The following KLF13 variants were observed in gnomAD, a reference collection of about 807,000 sequenced individuals.
KLF13 encodes Krueppel-like factor 13.
In KLF13, 8 loss-of-function variants were observed where a neutral mutation model predicts 16.7. The observed-to-expected ratio is 0.48, with a 90% CI of 0.28 to 0.87. The LOEUF (loss-of-function observed/expected upper bound fraction) is 0.87, where lower values mean the gene tolerates loss of function less well. Among genes scored for constraint, KLF13 ranks in the 40% least tolerant of loss-of-function variants. The pLI is 0.10. For missense variants in KLF13, 447 were observed against 452.2 expected (o/e 0.99, Z 0.10); for synonymous variants, 245 against 208.4 (o/e 1.18, Z -1.51).
intron 1 of KLF13, among the ~76,000 whole-genome samples, chr15:31,346,052 T>C (rs2039110826): frequency 6.6e-6 from 1 of 151,952 alleles, no homozygotes; most frequent in Non-Finnish European, 1.5e-5. Context: ...TGAGCCCCTC[T>C]GTACAGATGC....
chr15:31,423,095 A>ATATG (rs2040349510), intron 1 of KLF13, among the ~76,000 whole-genome samples: 1 of 139,430 alleles, frequency 7.2e-6, no homozygotes, highest in Admixed American at 7.2e-5. Flanking sequence ...ATATACGTAT[A>ATATG]TATACGTATA....
chr15:31,393,423 T>TC (rs11298636), intron 1 of KLF13, among the ~76,000 whole-genome samples: 199 of 114,384 alleles, frequency 1.7e-3, no homozygotes, highest in African/African-American at 6.1e-3. Context: ...CCCCGGCCCG[T>TC]CCCCCCCCCG....
At chr15:31,357,043 C>A (rs1163346031) in intron 1 of KLF13, among the ~76,000 whole-genome samples, 3 of 152,168 alleles carry the variant, frequency 2.0e-5, no homozygotes, top group African/African-American at 7.2e-5. Flanking sequence ...CTTACCCATC[C>A]ATTTGTATTT....
intron 1 of KLF13, among the ~76,000 whole-genome samples, chr15:31,333,595 G>T (rs915782155): frequency 1.3e-5 from 2 of 151,724 alleles, no homozygotes; most frequent in African/African-American, 2.4e-5. Flanking sequence ...TTAATTTTTT[G>T]TCTATATTTT....
intron 1 of KLF13, among the ~76,000 whole-genome samples, chr15:31,333,095 A>G (rs1373015187): frequency 1.3e-5 from 2 of 152,128 alleles, no homozygotes; most frequent in Non-Finnish European, 2.9e-5. Context: ...CAATCCTAAG[A>G]CTTCCAGACT....
chr15:31,413,073 C>T (rs941139666), intron 1 of KLF13, among the ~76,000 whole-genome samples: 2 of 151,266 alleles, frequency 1.3e-5, no homozygotes, highest in Non-Finnish European at 2.9e-5. Context: ...AAAGAACAAT[C>T]ATTGAGCAAT....
At chr15:31,378,723 C>G (rs544084603), downstream of KLF13, among the ~76,000 whole-genome samples, 1 of 152,080 alleles carries the variant, frequency 6.6e-6, no homozygotes, top group Non-Finnish European at 1.5e-5. Flanking sequence ...TTTTTTGAGA[C>G]ACAGTCTCGC....
At chr15:31,331,675 C>T (rs1232295298) in intron 1 of KLF13, among the ~76,000 whole-genome samples, 1 of 152,228 alleles carries the variant, frequency 6.6e-6, no homozygotes, top group African/African-American at 2.4e-5. Flanking sequence ...CCACCCCTCC[C>T]TCTCGTACCC....
downstream of KLF13, among the ~76,000 whole-genome samples, chr15:31,378,876 C>A (rs1042696804): frequency 2.0e-5 from 3 of 152,110 alleles, no homozygotes; most frequent in African/African-American, 7.2e-5. Flanking sequence ...TCTGCCACCA[C>A]GCCCAGGTAA....
At chr15:31,432,773 AT>A (rs780971884) in intron 1 of KLF13, among the ~76,000 whole-genome samples, 4 of 152,030 alleles carry the variant, frequency 2.6e-5, no homozygotes, top group Non-Finnish European at 4.4e-5. Context: ...TTGAAGCTGG[AT>A]ATTGTGAATT....
rs542321350 is a variant in KLF13, at chr15:31,356,520, C to T, written c.578-15490C>T. 2.0e-5 allele frequency among the ~76,000 whole-genome samples: 3 copies of T among 152,354 alleles called. No homozygotes were observed. In the East Asian group the frequency reaches 5.8e-4, roughly 29 times the overall value. Reference sequence around the variant, plus strand: ...TGAGCCAAGATCGCGCCACTGCACTCCAGCCTGGGCGACAGAGCGAGACTC... The same window carrying T: ...TGAGCCAAGATCGCGCCACTGCACTTCAGCCTGGGCGACAGAGCGAGACTC... On this transcript the variant is annotated intron_variant, in intron 1 of 1. Coordinates refer to ENST00000307145, the MANE Select transcript of KLF13 (RefSeq NM_015995.4).
At chr15:31,380,696 G>A (rs368944273), downstream of KLF13, among the ~76,000 whole-genome samples, 3 of 152,290 alleles carry the variant, frequency 2.0e-5, no homozygotes, top group East Asian at 3.9e-4. Flanking sequence ...TCCTGCCATT[G>A]GCACCACTCC....
At chr15:31,365,824 G>A (rs1367362556) in intron 1 of KLF13, among the ~76,000 whole-genome samples, 1 of 152,186 alleles carries the variant, frequency 6.6e-6, no homozygotes, top group South Asian at 2.1e-4. Flanking sequence ...GAGAGGGGAG[G>A]GCCTGGGACT....
intron 1 of KLF13, among the ~76,000 whole-genome samples, chr15:31,414,461 A>G (rs1283659770): frequency 2.0e-5 from 3 of 152,220 alleles, no homozygotes; most frequent in Non-Finnish European, 2.9e-5. Context: ...TCTACTTACT[A>G]TATGTTGTCT....
chr15:31,424,368 A>C (rs1036427673), intron 1 of KLF13, among the ~76,000 whole-genome samples: 8 of 152,200 alleles, frequency 5.3e-5, no homozygotes, highest in African/African-American at 1.9e-4. Flanking sequence ...AGGTTTATAC[A>C]CCATGACCAA....
chr15:31,328,849 GTTC>G lies in KLF13; in HGVS notation c.577+1065_577+1067del, dbSNP rs548447901. On this transcript the variant is annotated intron_variant, in intron 1 of 1. Transcript: ENST00000307145. ...GTATGCTTCCTCTGAGCTCACGTGAGTTCTTCTGTGACACTCACCTCTTCTACC... is the reference window on the plus strand; with the variant it reads ...GTATGCTTCCTCTGAGCTCACGTGAGTTCTGTGACACTCACCTCTTCTACC... Among the ~76,000 whole-genome samples the G allele has an allele frequency of 3.6e-3, 553 of 152,328 alleles. 11 individuals are homozygous for G. Among genetic ancestry groups the G allele is most frequent in the African/African-American group, 0.012 (518 of 41,568 alleles).
At chr15:31,385,536 T>A (rs956919727) in intron 1 of KLF13, among the ~76,000 whole-genome samples, 2 of 152,236 alleles carry the variant, frequency 1.3e-5, no homozygotes, top group African/African-American at 4.8e-5. Flanking sequence ...ATTTTGGTAT[T>A]TCTCAAAATA....
rs1223633446 is a variant in KLF13 at position 31,327,079 on chromosome 15, C to T, written c.-134C>T. ...GTGACGGCACAGGCGGCTGCGCGCCCAGCCCAGCCCAGCCCAGCCCGAGGA... is the reference window on the plus strand; with the variant it reads ...GTGACGGCACAGGCGGCTGCGCGCCTAGCCCAGCCCAGCCCAGCCCGAGGA... On this transcript the variant is annotated 5_prime_UTR_variant, in exon 1 of 2. Coordinates refer to ENST00000307145, the MANE Select transcript of KLF13 (RefSeq NM_015995.4). The T allele has an allele frequency of 4.1e-6, 3 of 726,940 alleles. No homozygotes were observed. The highest frequency in any genetic ancestry group is 1.1e-4 in the East Asian group (2 of 17,406). 45.0% of individuals were successfully genotyped at this position (726,940 alleles called of 1,614,324 possible).
Position 31,376,661 on chromosome 15 carries a change from T to G in KLF13, c.*4362T>G, listed in dbSNP as rs947438900. On this transcript the variant is annotated 3_prime_UTR_variant, in exon 2 of 2. Transcript: ENST00000307145. ...CAGAACTTGGATGCATAGTCCACCTTACTACTGATACACGCCTGAGCACCC... is the reference window on the plus strand; with the variant it reads ...CAGAACTTGGATGCATAGTCCACCTGACTACTGATACACGCCTGAGCACCC... 1 of 152,620 alleles carries G rather than the reference T, an allele frequency of 6.6e-6. No individual in the cohort carries two copies. Among genetic ancestry groups the G allele is most frequent in the Non-Finnish European group, 1.5e-5 (1 of 68,050 alleles). The allele number at this position is 152,620 out of a possible 1,614,324, so 9.5% of individuals were successfully genotyped here.
Sources: allele counts gnomAD v4.1 joint callset (sites outside exome capture counted in the v4.1 genomes callset), GRCh38; gene constraint gnomAD v4.1.1; transcripts MANE v1.5; gene names NCBI Gene and HGNC (gene_info 2026-07-23, HGNC 2026-07-21).